RFX3: variants seen among roughly 807,000 people sequenced by gnomAD.
RFX3 encodes transcription factor RFX3.
In RFX3, 14 loss-of-function variants were observed where a neutral mutation model predicts 98.6. The observed-to-expected ratio is 0.14, with a 90% CI of 0.09 to 0.22. RFX3 has a LOEUF of 0.22. RFX3 is among the 10% of genes least tolerant of loss of function. RFX3 has a pLI of 1.00. For missense variants in RFX3, 639 were observed against 926.9 expected, an observed-to-expected ratio of 0.69 and a Z score of 4.03; for synonymous variants, 383 against 328.4, an observed-to-expected ratio of 1.17 and a Z score of -1.80.
chr9:3,416,521 G>A (rs1376120637), intron 1 of RFX3, among the ~76,000 whole-genome samples: 1 of 152,058 alleles, frequency 6.6e-6, no homozygotes, highest in African/African-American at 2.4e-5. Context: ...CCAATAGAAG[G>A]GCATCTGAAG....
chr9:3,441,687 A>G (rs1240491849), intron 1 of RFX3, among the ~76,000 whole-genome samples: 1 of 152,194 alleles, frequency 6.6e-6, no homozygotes, highest in Non-Finnish European at 1.5e-5. Flanking sequence ...TGTGAAGTAT[A>G]AAATGAGGCC....
chr9:3,330,300 C>G lies in RFX3; in HGVS notation c.433G>C (p.Gly145Arg), dbSNP rs1259407515. ...YLIGNSMENS[G>R]HSVTHTTRAS... ...CGAGTTGTGTGTGTCACTGAGTGAC[C>G]AGAATTCTCCATTGAGTTGCCGATC... is the stretch of plus-strand genomic sequence containing the variant. The change falls in exon 4 of 17, where the codon GGT becomes CGT. Residue 145 changes from glycine to arginine, a missense_variant. By Grantham distance (125) the Gly-to-Arg change is moderately radical. Transcript: ENST00000617270. The G allele has an allele frequency of 1.2e-6, 2 of 1,614,056 alleles. No individual in the cohort carries two copies. Among genetic ancestry groups the G allele is most frequent in the Non-Finnish European group, 1.7e-6 (2 of 1,179,992 alleles).
intron 1 of RFX3, among the ~76,000 whole-genome samples, chr9:3,487,283 G>C (rs1450674454): frequency 1.3e-5 from 2 of 152,210 alleles, no homozygotes; most frequent in Non-Finnish European, 2.9e-5. Flanking sequence ...TACAAAGAAT[G>C]AGGATATTTA....
intron 1 of RFX3, among the ~76,000 whole-genome samples, chr9:3,468,108 G>A (rs1848473129): frequency 6.6e-6 from 1 of 152,044 alleles, no homozygotes; most frequent in Admixed American, 6.6e-5. Flanking sequence ...TGTGAAAATG[G>A]GTATTTTCCA....
chr9:3,368,884 T>C (rs1309253318), intron 2 of RFX3, among the ~76,000 whole-genome samples: 5 of 152,238 alleles, frequency 3.3e-5, no homozygotes, highest in Non-Finnish European at 2.9e-5. Flanking sequence ...GTAATTCTGA[T>C]GTAGACGAGA....
chr9:3,427,691 T>C (rs761954100), intron 1 of RFX3, among the ~76,000 whole-genome samples: 6 of 151,870 alleles, frequency 4.0e-5, no homozygotes, highest in Non-Finnish European at 7.4e-5. Context: ...TTGGCAGAAT[T>C]AAACTTGGGA....
At chr9:3,518,331 G>A (rs1295361706) in intron 1 of RFX3, among the ~76,000 whole-genome samples, 1 of 152,098 alleles carries the variant, frequency 6.6e-6, no homozygotes, top group Non-Finnish European at 1.5e-5. Context: ...ATTCACTGGC[G>A]AAAGGAAGCA....
At position 3,301,531 on chromosome 9, in the gene RFX3, G is replaced by C; in HGVS notation, c.549+15C>G. ...CAAGCAAGAGATTAGTGTACATGAA[G>C]AAGAGGCAACTTACATGGCTGTTGA... On this transcript the variant is annotated intron_variant, in intron 5 of 16. Transcript: ENST00000617270. The C allele has an allele frequency of 1.3e-6, 2 of 1,579,122 alleles. No homozygotes were observed. The highest frequency in any genetic ancestry group is 1.7e-6 in the Non-Finnish European group (2 of 1,152,000).
intron 2 of RFX3, among the ~76,000 whole-genome samples, chr9:3,389,838 A>G (rs1840109064): frequency 6.6e-6 from 1 of 152,152 alleles, no homozygotes; most frequent in Non-Finnish European, 1.5e-5. Context: ...GTTCCAAAGC[A>G]AAAGTACTTC....
intron 1 of RFX3, among the ~76,000 whole-genome samples, chr9:3,464,268 C>T (rs1183877989): frequency 4.6e-5 from 7 of 152,170 alleles, no homozygotes; most frequent in Non-Finnish European, 1.0e-4. Flanking sequence ...ACTCAGCAAT[C>T]GCTTTGTACA....
chr9:3,324,778 C>G (rs1831718473), intron 4 of RFX3, among the ~76,000 whole-genome samples: 1 of 152,032 alleles, frequency 6.6e-6, no homozygotes, highest in Middle Eastern at 3.4e-3. Flanking sequence ...GTGTGGCAAA[C>G]ATGGTGAAAC....
At chr9:3,452,829 G>A (rs1160407792) in intron 1 of RFX3, among the ~76,000 whole-genome samples, 1 of 152,134 alleles carries the variant, frequency 6.6e-6, no homozygotes, top group Admixed American at 6.6e-5. Flanking sequence ...TTCAACCTTT[G>A]TATCTGCTAT....
At chr9:3,324,654 G>A (rs911404329) in intron 4 of RFX3, among the ~76,000 whole-genome samples, 2 of 151,610 alleles carry the variant, frequency 1.3e-5, no homozygotes, top group African/African-American at 2.4e-5. Flanking sequence ...CTAGAATATT[G>A]TTAGAATAAT....
intron 1 of RFX3, among the ~76,000 whole-genome samples, chr9:3,395,904 A>G (rs1840808894): frequency 6.6e-6 from 1 of 152,352 alleles, no homozygotes; most frequent in Admixed American, 6.5e-5. Flanking sequence ...TTTATAAACT[A>G]TCATCCAAAA....
intron 15 of RFX3, among the ~76,000 whole-genome samples, chr9:3,230,187 T>C (rs1478153280): frequency 6.6e-6 from 1 of 152,194 alleles, no homozygotes; most frequent in African/African-American, 2.4e-5. Flanking sequence ...CATTTCACCT[T>C]TATTTCTTAG....
At chr9:3,515,133 A>C (rs1177151106) in intron 1 of RFX3, among the ~76,000 whole-genome samples, 1 of 152,210 alleles carries the variant, frequency 6.6e-6, no homozygotes, top group Non-Finnish European at 1.5e-5. Flanking sequence ...ATCCAAAGCA[A>C]AACATAAAGA....
chr9:3,380,440 T>G (rs932948567), intron 2 of RFX3, among the ~76,000 whole-genome samples: 2 of 152,162 alleles, frequency 1.3e-5, no homozygotes, highest in Non-Finnish European at 2.9e-5. Context: ...AACATCAACA[T>G]TCTTCATATC....
chr9:3,356,545 C>T (rs1034223625), intron 2 of RFX3, among the ~76,000 whole-genome samples: 2 of 151,694 alleles, frequency 1.3e-5, no homozygotes, highest in African/African-American at 4.8e-5. Context: ...TTGTAGGAAA[C>T]ATGTCAAGAA....
chr9:3,265,682 A>C (rs1182360639), intron 12 of RFX3, among the ~76,000 whole-genome samples: 1 of 152,188 alleles, frequency 6.6e-6, no homozygotes. Flanking sequence ...AGATATATTG[A>C]TTAATTATGA....
Sources: allele counts gnomAD v4.1 joint callset (sites outside exome capture counted in the v4.1 genomes callset), GRCh38; gene constraint gnomAD v4.1.1; transcripts MANE v1.5; gene names NCBI Gene and HGNC (gene_info 2026-07-23, HGNC 2026-07-21).